The following STK39 variants were observed in gnomAD, a reference collection of about 807,000 sequenced individuals.
The protein encoded by STK39 is serine/threonine kinase 39, also known as STE20/SPS1-related proline-alanine-rich protein kinase.
A neutral mutation model predicts 77.8 loss-of-function variants in STK39; 20 were observed. The observed-to-expected ratio is 0.26, with a 90% CI of 0.18 to 0.37. The LOEUF is 0.37. STK39 is among the 10% of genes least tolerant of loss of function. The pLI, the probability that STK39 is intolerant of heterozygous loss-of-function variation, is 1.00. For synonymous variants in STK39, 246 were observed against 234.1 expected (o/e 1.05, Z -0.47); for missense variants, 479 against 656.5 (o/e 0.73, Z 2.95).
At chr2:168,012,016 G>A (rs917159105) in intron 16 of STK39, among the ~76,000 whole-genome samples, 2 of 152,074 alleles carry the variant, frequency 1.3e-5, no homozygotes, top group Admixed American at 6.6e-5. Flanking sequence ...AGGTTCCCAT[G>A]CTTTAGTGCA....
At chr2:168,045,272 A>G (rs1685209177) in intron 14 of STK39, among the ~76,000 whole-genome samples, 1 of 152,024 alleles carries the variant, frequency 6.6e-6, no homozygotes, top group Admixed American at 6.6e-5. Flanking sequence ...TCTTCTTTTA[A>G]CCTGCAGAGC....
At chr2:167,995,320 G>A (rs532217151) in intron 16 of STK39, among the ~76,000 whole-genome samples, 2 of 152,206 alleles carry the variant, frequency 1.3e-5, no homozygotes, top group South Asian at 4.2e-4. Context: ...ATGTGGGCTA[G>A]GATGGTCTCG....
chr2:168,135,544 G>A (rs950446082), intron 8 of STK39, among the ~76,000 whole-genome samples: 1 of 152,196 alleles, frequency 6.6e-6, no homozygotes, highest in Non-Finnish European at 1.5e-5. Flanking sequence ...CAGAGGAAGG[G>A]CAAGAACTCT....
intron 10 of STK39, among the ~76,000 whole-genome samples, chr2:168,100,108 T>G (rs969944699): frequency 6.6e-6 from 1 of 152,188 alleles, no homozygotes; most frequent in African/African-American, 2.4e-5. Context: ...ACGAATCAAT[T>G]TTTCATACAG....
intron 14 of STK39, among the ~76,000 whole-genome samples, chr2:168,049,745 C>T (rs562157295): frequency 6.6e-6 from 1 of 152,234 alleles, no homozygotes; most frequent in Non-Finnish European, 1.5e-5. Context: ...CAGCCACCAG[C>T]TGAGAACTAG....
At chr2:168,225,644 T>C (rs1278364291) in intron 1 of STK39, among the ~76,000 whole-genome samples, 2 of 152,206 alleles carry the variant, frequency 1.3e-5, no homozygotes, top group African/African-American at 4.8e-5. Context: ...ATTTATTGAC[T>C]CAAAACAATA....
intron 5 of STK39, among the ~76,000 whole-genome samples, chr2:168,146,831 T>C (rs1232121550): frequency 1.3e-5 from 2 of 152,046 alleles, no homozygotes; most frequent in Non-Finnish European, 2.9e-5. Flanking sequence ...TGTATATGAA[T>C]AGAGAGGTTG....
At chr2:168,135,858 G>A (rs557765428) in intron 8 of STK39, among the ~76,000 whole-genome samples, 2 of 152,090 alleles carry the variant, frequency 1.3e-5, no homozygotes, top group Admixed American at 6.6e-5. Context: ...ATTAAGTTAC[G>A]GAGAAAATAT....
chr2:168,218,258 G>T (rs2105711969), intron 1 of STK39, among the ~76,000 whole-genome samples: 1 of 152,236 alleles, frequency 6.6e-6, no homozygotes. Context: ...AAGGCCCATG[G>T]GACAGCAGAG....
At chr2:168,027,343 G>A (rs1574403856) in intron 14 of STK39, among the ~76,000 whole-genome samples, 3 of 152,148 alleles carry the variant, frequency 2.0e-5, no homozygotes, top group East Asian at 3.9e-4. Context: ...CTGCAAAAGT[G>A]TCTTTTGGAT....
At chr2:168,232,324 TA>T (rs1422887501) in intron 1 of STK39, 6 of 153,906 alleles carry the variant, frequency 3.9e-5, no homozygotes, top group Non-Finnish European at 7.2e-5. Context: ...AAAATTCTGA[TA>T]TGATTAATTG....
At chr2:168,127,249 C>T (rs993226570) in intron 10 of STK39, among the ~76,000 whole-genome samples, 2 of 152,146 alleles carry the variant, frequency 1.3e-5, no homozygotes, top group African/African-American at 2.4e-5. Flanking sequence ...TTCCCTGGTT[C>T]AAGTGATTCT....
At chr2:168,232,095 CCA>C in intron 1 of STK39, 1 of 253,842 alleles carries the variant, frequency 3.9e-6, no homozygotes, top group Non-Finnish European at 8.7e-6. Flanking sequence ...CTGGTAAGAT[CCA>C]CAGTTACACT....
intron 10 of STK39, among the ~76,000 whole-genome samples, chr2:168,086,605 A>G (rs1319192630): frequency 1.3e-5 from 2 of 152,248 alleles, no homozygotes; most frequent in Non-Finnish European, 2.9e-5. Context: ...CTAGAGAAAC[A>G]AAGACTTTAT....
chr2:168,151,792 T>G (rs917829905), intron 5 of STK39, among the ~76,000 whole-genome samples: 9 of 151,268 alleles, frequency 5.9e-5, no homozygotes, highest in African/African-American at 1.7e-4. Flanking sequence ...CAGAAGCTGC[T>G]ACTCCCTCCC....
chr2:168,210,080 A>AG (rs1439388333), intron 1 of STK39, among the ~76,000 whole-genome samples: 6,580 of 149,380 alleles, frequency 0.044, 370 homozygotes, highest in East Asian at 0.19. Context: ...GAAGGAAGGA[A>AG]GAAAGAAACT....
intron 5 of STK39, among the ~76,000 whole-genome samples, chr2:168,156,169 T>C (rs1335291050): frequency 6.6e-6 from 1 of 152,094 alleles, no homozygotes; most frequent in African/African-American, 2.4e-5. Context: ...GAGGAAATGA[T>C]CATGAAAGGT....
intron 14 of STK39, among the ~76,000 whole-genome samples, chr2:168,056,040 G>A (rs2105373363): frequency 6.6e-6 from 1 of 152,168 alleles, no homozygotes; most frequent in East Asian, 1.9e-4. Flanking sequence ...AAACATAAAA[G>A]AAAAAGATAA....
intron 1 of STK39, among the ~76,000 whole-genome samples, chr2:168,199,593 T>A (rs980936405): frequency 6.6e-6 from 1 of 151,848 alleles, no homozygotes; most frequent in Non-Finnish European, 1.5e-5. Context: ...AGTGGCACGA[T>A]CTCGGCTCAC....
Sources: gnomAD v4.1 joint callset for allele counts (sites outside exome capture counted in the v4.1 genomes callset) on GRCh38, gnomAD v4.1.1 for gene constraint, MANE v1.5 for transcripts, NCBI Gene and HGNC (gene_info 2026-07-23, HGNC 2026-07-21) for gene names.